Variants in GRK5 observed in about 807,000 individuals in gnomAD.
The protein encoded by GRK5 is G protein-coupled receptor kinase 5, also known as g protein-coupled receptor kinase GRK5.
Under a neutral mutation model 78.4 loss-of-function variants are expected in GRK5, and 40 were observed. The ratio of observed to expected loss-of-function variants is 0.51; its 90% CI spans 0.40 to 0.66. The LOEUF (loss-of-function observed/expected upper bound fraction) is 0.66. GRK5 is among the 30% of genes least tolerant of loss of function. GRK5 has a pLI of 0.00. For missense variants in GRK5, 598 were observed against 759.9 expected (o/e 0.79, Z 2.50); for synonymous variants, 289 against 296.8 (o/e 0.97, Z 0.27).
intron 1 of GRK5, among the ~76,000 whole-genome samples, chr10:119,237,691 G>A (rs1252338772): frequency 6.6e-6 from 1 of 152,184 alleles, no homozygotes; most frequent in African/African-American, 2.4e-5. Flanking sequence ...GCCGGAGAGG[G>A]GGAGGGAACT....
At chr10:119,261,339 A>T (rs1465442869) in intron 1 of GRK5, among the ~76,000 whole-genome samples, 2 of 133,568 alleles carry the variant, frequency 1.5e-5, no homozygotes, top group Admixed American at 7.5e-5. Context: ...CCTAGATGGG[A>T]TGGCGGCCGG....
chr10:119,207,702 A>C lies in GRK5; in HGVS notation c.-216A>C. ...GGGGAGGGGGGACACAGAGGGAGGA[A>C]GAAGCGGCGGCGGCGGCGGCGGCGG... On this transcript the variant is annotated 5_prime_UTR_variant, in exon 1 of 16. Transcript: ENST00000392870. 1.1e-5 allele frequency: 4 copies of C among 353,476 alleles called. No individual in the cohort carries two copies. The highest frequency in any genetic ancestry group is 1.4e-5 in the Non-Finnish European group (3 of 218,314). The allele number at this position is 353,476 out of a possible 1,614,324, so 21.9% of individuals were successfully genotyped here. A position where few individuals can be genotyped will look rare whatever the true frequency, so the allele number is the denominator to read the frequency against.
At chr10:119,277,377 G>T (rs1177933760) in intron 1 of GRK5, among the ~76,000 whole-genome samples, 2 of 152,202 alleles carry the variant, frequency 1.3e-5, no homozygotes, top group African/African-American at 2.4e-5. Flanking sequence ...AACGATGTCT[G>T]TAGTTTCCCA....
chr10:119,311,861 G>A (rs748208731), intron 1 of GRK5, among the ~76,000 whole-genome samples: 1 of 151,686 alleles, frequency 6.6e-6, no homozygotes, highest in Non-Finnish European at 1.5e-5. Flanking sequence ...GGAATTAAAC[G>A]GAGGTGGTGG....
In GRK5 at chr10:119,457,451, T is replaced by G. The variant is rs1853417197; in HGVS notation, c.*2384T>G. On this transcript the variant is annotated 3_prime_UTR_variant, in exon 16 of 16. Transcript: ENST00000392870. ...CCTGCACGTGGACTCTATGATAACT[T>G]GAGTCTTCCATCATGTTTGCCACCA... 1 of 152,184 alleles carries G rather than the reference T, an allele frequency of 6.6e-6. No homozygotes were observed. The highest frequency in any genetic ancestry group is 1.5e-5 in the Non-Finnish European group (1 of 68,030). The allele number at this position is 152,184 out of a possible 1,614,324, so 9.4% of individuals were successfully genotyped here. A position where few individuals can be genotyped will look rare whatever the true frequency, so the allele number is the denominator to read the frequency against.
In GRK5 at chr10:119,349,640, T is replaced by G. The variant is rs377107283; in HGVS notation, c.148+23029T>G. On this transcript the variant is annotated intron_variant, in intron 2 of 15. Transcript: ENST00000392870. Reference sequence around the variant, plus strand: ...CAGGCCTCGAGATGGTCTTGAGGGGTGGGCATTGGGTCTGCCTCTCTGTAG... The same window carrying G: ...CAGGCCTCGAGATGGTCTTGAGGGGGGGGCATTGGGTCTGCCTCTCTGTAG... Among the ~76,000 whole-genome samples, 5 of 152,170 alleles carry G rather than the reference T, an allele frequency of 3.3e-5. No individual in the cohort carries two copies. The South Asian group carries it at 6.2e-4, about 19-fold the overall frequency.
rs1163598246 is a variant in GRK5 at position 119,455,115 on chromosome 10, C to T, written c.*48C>T. The T allele has an allele frequency of 7.0e-7, 1 of 1,426,110 alleles. No homozygotes were observed. Among genetic ancestry groups the T allele is most frequent in the Non-Finnish European group, 9.9e-7 (1 of 1,009,602 alleles). The allele number at this position is 1,426,110 out of a possible 1,614,324, so 88.3% of individuals were successfully genotyped here. On this transcript the variant is annotated 3_prime_UTR_variant, in exon 16 of 16. Transcript: ENST00000392870. ...CACAGTGGAACCAGCCCAGACCCTTCTCCTTAGAAGTGGAAGTAGTGGAGC... is the reference window on the plus strand; with the variant it reads ...CACAGTGGAACCAGCCCAGACCCTTTTCCTTAGAAGTGGAAGTAGTGGAGC...
At chr10:119,228,116 C>A (rs1290169549) in intron 1 of GRK5, among the ~76,000 whole-genome samples, 5 of 152,150 alleles carry the variant, frequency 3.3e-5, no homozygotes, top group Non-Finnish European at 7.4e-5. Context: ...TCATACATAG[C>A]TATTAAGAAT....
intron 1 of GRK5, among the ~76,000 whole-genome samples, chr10:119,241,545 T>C (rs1327944598): frequency 1.3e-5 from 2 of 152,198 alleles, no homozygotes; most frequent in African/African-American, 4.8e-5. Context: ...TGGAAAGAGT[T>C]GATGGTAGTG....
intron 1 of GRK5, among the ~76,000 whole-genome samples, chr10:119,279,226 GC>G (rs372191891): frequency 3.0e-4 from 46 of 152,300 alleles, no homozygotes; most frequent in Middle Eastern, 3.4e-3. Flanking sequence ...CTGGGGCCCA[GC>G]CTAATGAATG....
At chr10:119,449,465 A>T (rs909935814) in intron 13 of GRK5, among the ~76,000 whole-genome samples, 1 of 152,178 alleles carries the variant, frequency 6.6e-6, no homozygotes, top group Non-Finnish European at 1.5e-5. Context: ...TGTGATGGGT[A>T]ATCAGGGAAT....
At chr10:119,303,939 C>A (rs1481484205) in intron 1 of GRK5, among the ~76,000 whole-genome samples, 2 of 152,112 alleles carry the variant, frequency 1.3e-5, no homozygotes, top group Non-Finnish European at 2.9e-5. Context: ...GTCCCTACAG[C>A]CAGACTCAGG....
intron 6 of GRK5, among the ~76,000 whole-genome samples, chr10:119,426,951 G>A (rs1480486796): frequency 2.6e-5 from 4 of 151,292 alleles, no homozygotes; most frequent in Admixed American, 2.6e-4. Context: ...ACCATCAACA[G>A]CATCACTGCC....
chr10:119,348,352 G>A (rs1459958765), intron 2 of GRK5, among the ~76,000 whole-genome samples: 1 of 152,202 alleles, frequency 6.6e-6, no homozygotes, highest in Non-Finnish European at 1.5e-5. Flanking sequence ...TTGAACATGT[G>A]CCTTTATTGG....
rs75123390 is a variant in GRK5 at position 119,457,788 on chromosome 10, G to A, written c.*2721G>A. The A allele has an allele frequency of 0.093, 13,844 of 149,140 alleles. 817 individuals are homozygous for A. The highest frequency in any genetic ancestry group is 0.19 in the Middle Eastern group (56 of 290). The allele number at this position is 149,140 out of a possible 1,614,324, so 9.2% of individuals were successfully genotyped here. ...TGCAGCCTCAAACTCCTGAGTCCAA[G>A]CTATCCTCCTGCCTCAGCCTCCGAG... On this transcript the variant is annotated 3_prime_UTR_variant, in exon 16 of 16. Transcript: ENST00000392870.
At chr10:119,232,875 A>G (rs528021510) in intron 1 of GRK5, among the ~76,000 whole-genome samples, 319 of 152,378 alleles carry the variant, frequency 2.1e-3, no homozygotes, top group Non-Finnish European at 4.0e-3. Context: ...GAGATGACAG[A>G]TATGCTAATT....
intron 2 of GRK5, among the ~76,000 whole-genome samples, chr10:119,352,251 A>G (rs975389444): frequency 1.3e-5 from 2 of 152,190 alleles, no homozygotes; most frequent in Non-Finnish European, 2.9e-5. Flanking sequence ...TAGGTGTCTC[A>G]TGATCCAAGA....
intron 1 of GRK5, among the ~76,000 whole-genome samples, chr10:119,285,265 T>G (rs934563445): frequency 6.6e-6 from 1 of 152,100 alleles, no homozygotes; most frequent in African/African-American, 2.4e-5. Context: ...TTTTCTCAAA[T>G]GGGTCTCTAA....
intron 1 of GRK5, among the ~76,000 whole-genome samples, chr10:119,252,964 T>G (rs960496534): frequency 6.6e-6 from 1 of 152,102 alleles, no homozygotes; most frequent in Non-Finnish European, 1.5e-5. Context: ...CAGGTGGTCT[T>G]AGGGAAAATG....
Sources: gnomAD v4.1 joint callset for allele counts (sites outside exome capture counted in the v4.1 genomes callset) on GRCh38, gnomAD v4.1.1 for gene constraint, MANE v1.5 for transcripts, NCBI Gene and HGNC (gene_info 2026-07-23, HGNC 2026-07-21) for gene names.